DOC2B: variants seen among roughly 807,000 people sequenced by gnomAD.
DOC2B encodes double C2-like domain-containing protein beta.
Under a neutral mutation model 28.9 loss-of-function variants are expected in DOC2B, and 21 were observed. The observed-to-expected ratio is 0.73, with a 90% CI of 0.52 to 1.05. The LOEUF (loss-of-function observed/expected upper bound fraction) is 1.05. Among genes scored for constraint, DOC2B ranks in the 50% least tolerant of loss-of-function variants. The probability of loss-of-function intolerance (pLI) is 0.00; values close to 1 mark genes in which losing one functional copy is unlikely to be tolerated. For synonymous variants in DOC2B, 194 were observed against 178.1 expected, an observed-to-expected ratio of 1.09 and a Z score of -0.71; for missense variants, 384 against 421.1, an observed-to-expected ratio of 0.91 and a Z score of 0.77.
At chr17:155,602 A>G (rs2040125304) in intron 6 of DOC2B, among the ~76,000 whole-genome samples, 1 of 152,138 alleles carries the variant, frequency 6.6e-6, no homozygotes, top group African/African-American at 2.4e-5. Flanking sequence ...TCACTGTGGC[A>G]CCTGTAGCAC....
rs1373325472 is a variant in DOC2B, at chr17:181,394, G to A, written c.86C>T (p.Pro29Leu). ...GAAGTAGTCGGAGATCTGCTTGATG[G>A]GACGGATGGGGCCGGGGCACACGTC... ...AIDVCPGPIR[P>L]IKQISDYFPR... Residue 29 changes from proline (P) to leucine (L), a missense_variant, in exon 1 of 9, where the codon CCC (proline) becomes CTC (leucine). Pro to Leu is a moderately conservative substitution (Grantham distance 98). Coordinates refer to ENST00000613549, the MANE Select transcript of DOC2B (RefSeq NM_003585.5). The surrounding 1 kb of genome is among the most constrained non-coding windows in gnomAD (Gnocchi z 7.0). 8.6e-7 allele frequency: 1 copy of A among 1,167,318 alleles called. No homozygotes were observed. Among genetic ancestry groups the A allele is most frequent in the Non-Finnish European group, 1.1e-6 (1 of 940,560 alleles). 72.3% of individuals were successfully genotyped at this position (1,167,318 alleles called of 1,614,324 possible).
intron 2 of DOC2B, 132 bp from the exon 3 acceptor site, chr17:164,336 CCCA>C: frequency 1.5e-6 from 1 of 669,814 alleles, no homozygotes; most frequent in Non-Finnish European, 2.7e-6. Context: ...GCCCCCGGGC[CCCA>C]CACCTCCAGA....
At chr17:176,234 C>A (rs1410010139) in intron 1 of DOC2B, among the ~76,000 whole-genome samples, 1 of 151,550 alleles carries the variant, frequency 6.6e-6, no homozygotes, top group Non-Finnish European at 1.5e-5. Flanking sequence ...TGTTCTGTTA[C>A]CCAGGCTGGA....
chr17:159,452 C>T (rs2040174152), intron 5 of DOC2B, among the ~76,000 whole-genome samples: 1 of 152,308 alleles, frequency 6.6e-6, no homozygotes, highest in Admixed American at 6.5e-5. Flanking sequence ...GGTGAAACCC[C>T]ATCTCTACCA....
At chr17:165,436 C>T (rs1211117355) in intron 2 of DOC2B, among the ~76,000 whole-genome samples, 1 of 150,076 alleles carries the variant, frequency 6.7e-6, no homozygotes, top group Non-Finnish European at 1.5e-5. Flanking sequence ...GAACCATGAT[C>T]GCACCACTGC....
At chr17:159,071 G>A (rs2040170044) in intron 5 of DOC2B, among the ~76,000 whole-genome samples, 1 of 150,630 alleles carries the variant, frequency 6.6e-6, no homozygotes, top group African/African-American at 2.4e-5. Flanking sequence ...CCAACCAGCA[G>A]GCATATTTTT....
intron 2 of DOC2B, among the ~76,000 whole-genome samples, chr17:165,282 G>A (rs2040249400): frequency 6.6e-6 from 1 of 152,050 alleles, no homozygotes; most frequent in Non-Finnish European, 1.5e-5. Context: ...AGGAGTTCAA[G>A]ACCAGCCTGG....
intron 5 of DOC2B, among the ~76,000 whole-genome samples, chr17:160,070 C>T (rs1470864624): frequency 2.6e-5 from 4 of 151,130 alleles, no homozygotes; most frequent in East Asian, 1.9e-4. Context: ...CTGCAACCTC[C>T]GCCTCTCAGG....
At chr17:160,588 C>T (rs995208883) in intron 5 of DOC2B, among the ~76,000 whole-genome samples, 2 of 152,146 alleles carry the variant, frequency 1.3e-5, no homozygotes, top group Non-Finnish European at 2.9e-5. Flanking sequence ...AACGTGCCAT[C>T]GAGGGGACCA....
rs185117150 is a variant in DOC2B at position 152,093 on chromosome 17, C to T, written c.924-2901G>A. On this transcript the variant is annotated intron_variant, in intron 6 of 8. Transcript: ENST00000613549. ...TCCTGGCCACCGGGGCTCACGGAGC[C>T]GCCCTGTGCCGTGTACCTCTGAGCC... is the stretch of plus-strand genomic sequence containing the variant. Among the ~76,000 whole-genome samples, 272 of 152,226 alleles carry T rather than the reference C, an allele frequency of 1.8e-3. 1 individual carries two copies. The highest frequency in any genetic ancestry group is 2.9e-3 in the Non-Finnish European group (197 of 68,018).
intron 5 of DOC2B, 60 bp from the exon 6 acceptor site, chr17:156,437 T>C: frequency 6.5e-7 from 1 of 1,527,428 alleles, no homozygotes; most frequent in South Asian, 1.2e-5. Context: ...TGGCCGTCCT[T>C]GGCCTCCTCT....
At chr17:149,714 C>A (rs1235662163) in intron 6 of DOC2B, among the ~76,000 whole-genome samples, 1 of 152,202 alleles carries the variant, frequency 6.6e-6, no homozygotes, top group Non-Finnish European at 1.5e-5. Context: ...CCATGTTGGC[C>A]AGGCTGGTCT....
intron 1 of DOC2B, among the ~76,000 whole-genome samples, chr17:173,037 G>A (rs1418174329): frequency 6.6e-6 from 1 of 152,218 alleles, no homozygotes; most frequent in Non-Finnish European, 1.5e-5. Flanking sequence ...GAGAGGAACA[G>A]GTCCTGGCCA....
At position 164,205 on chromosome 17, in the gene DOC2B, C is replaced by T; in HGVS notation, c.454-1G>A. 1 of 1,551,592 alleles carries T rather than the reference C, an allele frequency of 6.4e-7. No individual in the cohort carries two copies. ...CATTGTGGTCCATTGGCTTCAGGCC[C>T]TGGGCAGAGAAGAGCAAACGGTGTG... On this transcript the variant is annotated splice_acceptor_variant, in intron 2 of 8. Transcript: ENST00000613549. LOFTEE classifies it high-confidence loss of function.
rs186047019 is a variant in DOC2B at position 156,665 on chromosome 17, C to T, written c.766-288G>A. Among the ~76,000 whole-genome samples, 30 of 152,330 alleles carry T rather than the reference C, an allele frequency of 2.0e-4. No individual in the cohort carries two copies. The East Asian group carries it at 2.3e-3, about 12-fold the overall frequency. ...AGCCCAGGGGTTGGCAACTGCAGCCCGGGGGCCAGATCAGGCCCGACGCCT... is the reference window on the plus strand; with the variant it reads ...AGCCCAGGGGTTGGCAACTGCAGCCTGGGGGCCAGATCAGGCCCGACGCCT... On this transcript the variant is annotated intron_variant, in intron 5 of 8. Coordinates refer to ENST00000613549, the MANE Select transcript of DOC2B (RefSeq NM_003585.5).
chr17:161,613 T>A (rs980898586), intron 4 of DOC2B, 72 bp from the exon 5 acceptor site: 1 of 1,539,906 alleles, frequency 6.5e-7, no homozygotes, highest in Non-Finnish European at 8.8e-7. Flanking sequence ...TGTGCGCAGG[T>A]AGGGCCAGCC....
At chr17:173,518 A>G (rs2040335951) in intron 1 of DOC2B, among the ~76,000 whole-genome samples, 1 of 152,234 alleles carries the variant, frequency 6.6e-6, no homozygotes, top group Admixed American at 6.5e-5. Context: ...TGTTTACAAC[A>G]TGCCAGACTC....
At position 147,346 on chromosome 17, in the gene DOC2B, G is replaced by T. The variant is rs1019614494; in HGVS notation, c.*95C>A. ...AAGCAGGGGTTCTGGATCTCCCCCA[G>T]TGTGGGGGCCACAGGCCTTGGTGGC... On this transcript the variant is annotated 3_prime_UTR_variant, in exon 9 of 9. Coordinates refer to ENST00000613549, the MANE Select transcript of DOC2B (RefSeq NM_003585.5). 1.0e-5 allele frequency: 4 copies of T among 398,016 alleles called. No individual in the cohort carries two copies. Among genetic ancestry groups the T allele is most frequent in the Non-Finnish European group, 1.8e-5 (4 of 225,802 alleles). 24.7% of individuals were successfully genotyped at this position (398,016 alleles called of 1,614,324 possible).
chr17:160,525 C>G (rs779991603), intron 5 of DOC2B, among the ~76,000 whole-genome samples: 1 of 152,204 alleles, frequency 6.6e-6, no homozygotes, highest in Non-Finnish European at 1.5e-5. Flanking sequence ...TGGGGACAGC[C>G]GCCGGGCTCT....
Sources: allele counts gnomAD v4.1 joint callset (sites outside exome capture counted in the v4.1 genomes callset), GRCh38; gene constraint gnomAD v4.1.1; non-coding constraint Gnocchi (gnomAD v3.1); transcripts MANE v1.5; gene names NCBI Gene and HGNC (gene_info 2026-07-23, HGNC 2026-07-21).